Variants in GALNT13 observed in about 807,000 individuals in gnomAD.
GALNT13 encodes polypeptide N-acetylgalactosaminyltransferase 13.
A neutral mutation model predicts 64.2 loss-of-function variants in GALNT13; 28 were observed. The ratio of observed to expected loss-of-function variants is 0.44; its 90% CI spans 0.32 to 0.60. The LOEUF (loss-of-function observed/expected upper bound fraction) is 0.60, where lower values mean the gene tolerates loss of function less well. GALNT13 is among the 20% of genes least tolerant of loss of function. GALNT13 has a pLI of 0.05. For synonymous variants in GALNT13, 214 were observed against 224.6 expected, an observed-to-expected ratio of 0.95 and a Z score of 0.42; for missense variants, 577 against 669.8, an observed-to-expected ratio of 0.86 and a Z score of 1.53.
At chr2:153,464,304 G>A in the GALNT13 span, among the ~76,000 whole-genome samples, 1 of 152,026 alleles carries the variant, frequency 6.6e-6, no homozygotes, top group Admixed American at 6.6e-5. Context: ...GTGCCTCCAG[G>A]TGCCCAGGGG....
the GALNT13 span, among the ~76,000 whole-genome samples, chr2:153,835,494 A>G: frequency 1.3e-5 from 2 of 152,110 alleles, no homozygotes; most frequent in African/African-American, 4.8e-5. Flanking sequence ...CATTTAAAAA[A>G]TACAAATTTA....
chr2:153,729,532 T>G, the GALNT13 span, among the ~76,000 whole-genome samples: 29 of 152,236 alleles, frequency 1.9e-4, 1 homozygote, highest in Middle Eastern at 3.4e-3. Context: ...ACTTTTGTAT[T>G]TATATCTGTA....
chr2:153,354,173 T>C, the GALNT13 span: 2 of 152,192 alleles, frequency 1.3e-5, no homozygotes, highest in Non-Finnish European at 2.9e-5. Flanking sequence ...AATTTTTTAA[T>C]GCAACAGATA....
In GALNT13 at chr2:154,134,072, T is replaced by C. The variant is rs528764233; in HGVS notation, c.143-6265T>C. 3.3e-5 allele frequency among the ~76,000 whole-genome samples: 5 copies of C among 152,216 alleles called. No individual in the cohort carries two copies. The East Asian group carries it at 5.8e-4, about 18-fold the overall frequency. ...GAAGTTTTTATGAGCCTGGCTTGAA[T>C]TGGCACATATCATTTCTATTCTCGG... On this transcript the variant is annotated intron_variant, in intron 3 of 12. Transcript: ENST00000392825.
chr2:153,403,372 T>C, the GALNT13 span, among the ~76,000 whole-genome samples: 10 of 152,122 alleles, frequency 6.6e-5, no homozygotes, highest in Non-Finnish European at 1.3e-4. Context: ...AAGTTACTGC[T>C]GTCTTTTTGT....
the GALNT13 span, among the ~76,000 whole-genome samples, chr2:153,442,515 G>A: frequency 6.6e-6 from 1 of 152,152 alleles, no homozygotes; most frequent in Non-Finnish European, 1.5e-5. Flanking sequence ...AGTTTCAGAA[G>A]GAATGGTACC....
At chr2:153,802,540 G>T in the GALNT13 span, among the ~76,000 whole-genome samples, 1 of 152,140 alleles carries the variant, frequency 6.6e-6, no homozygotes. Flanking sequence ...TGCTCACTCT[G>T]CTGTGTTTAT....
chr2:154,069,020 A>G (rs578250133), intron 3 of GALNT13, among the ~76,000 whole-genome samples: 26 of 152,144 alleles, frequency 1.7e-4, no homozygotes, highest in African/African-American at 5.8e-4. Context: ...TGCCCCATAA[A>G]TATATACTCC....
At chr2:154,438,453 T>C (rs1701106790) in intron 11 of GALNT13, 139 bp from the exon 12 acceptor site, 4 of 564,094 alleles carry the variant, frequency 7.1e-6, no homozygotes, top group Non-Finnish European at 9.2e-6. Context: ...AAGAGATGAA[T>C]TAGCTTTCTC....
At position 153,917,852 on chromosome 2, in the gene GALNT13, CAG is replaced by C. The variant is rs201428315; in HGVS notation, c.-105+16857_-105+16858del. Among the ~76,000 whole-genome samples the C allele has an allele frequency of 4.2e-3, 623 of 149,530 alleles. 3 individuals are homozygous for C. The highest frequency in any genetic ancestry group is 0.014 in the African/African-American group (591 of 40,848). On this transcript the variant is annotated intron_variant, in intron 2 of 12. Transcript: ENST00000392825. ...AACTGATAGAGAGGGAGGATAGAAGCAGAGAGAGAGAGAAAAAAGAGGCAGAA... is the reference window on the plus strand; with the variant it reads ...AACTGATAGAGAGGGAGGATAGAAGCAGAGAGAGAGAAAAAAGAGGCAGAA...
chr2:154,337,573 T>G (rs1249839045), intron 9 of GALNT13, among the ~76,000 whole-genome samples: 1 of 152,104 alleles, frequency 6.6e-6, no homozygotes, highest in Non-Finnish European at 1.5e-5. Context: ...AACATTTTAG[T>G]GCTTAGCATT....
intron 3 of GALNT13, among the ~76,000 whole-genome samples, chr2:154,034,874 C>G (rs1030097244): frequency 6.6e-5 from 10 of 151,928 alleles, no homozygotes; most frequent in Non-Finnish European, 2.9e-5. Flanking sequence ...TCATCTTACA[C>G]CAGTCAAAAT....
At chr2:153,781,332 T>C in the GALNT13 span, among the ~76,000 whole-genome samples, 1 of 152,324 alleles carries the variant, frequency 6.6e-6, no homozygotes, top group East Asian at 1.9e-4. Flanking sequence ...GAAGTGACTT[T>C]CTATTGCCTC....
chr2:153,575,855 G>A, the GALNT13 span, among the ~76,000 whole-genome samples: 1 of 152,248 alleles, frequency 6.6e-6, no homozygotes, highest in Middle Eastern at 3.4e-3. Flanking sequence ...CTGTGTCCAT[G>A]CAGGTACTTG....
At chr2:154,206,656 G>A (rs1203313786) in intron 4 of GALNT13, among the ~76,000 whole-genome samples, 1 of 151,946 alleles carries the variant, frequency 6.6e-6, no homozygotes, top group Non-Finnish European at 1.5e-5. Context: ...CATTAGCCGG[G>A]TGTGGTGGTG....
the GALNT13 span, among the ~76,000 whole-genome samples, chr2:153,521,652 AGAGT>A: frequency 5.3e-5 from 8 of 152,198 alleles, no homozygotes; most frequent in Admixed American, 5.2e-4. Context: ...AGTATCATAC[AGAGT>A]ATTTTCATGG....
chr2:154,276,809 G>A (rs1369807957), intron 8 of GALNT13, among the ~76,000 whole-genome samples: 1 of 152,180 alleles, frequency 6.6e-6, no homozygotes, highest in Non-Finnish European at 1.5e-5. Flanking sequence ...TCATGATGGT[G>A]AGTGATTCTC....
chr2:153,478,154 CCA>C, the GALNT13 span: 1 of 1,129,682 alleles, frequency 8.9e-7, no homozygotes, highest in Admixed American at 2.5e-5. Context: ...TTTGCTTCGC[CCA>C]GTCTCTGATA....
At chr2:153,873,231 C>T (rs760644979) in intron 1 of GALNT13, among the ~76,000 whole-genome samples, 1 of 152,178 alleles carries the variant, frequency 6.6e-6, no homozygotes, top group Non-Finnish European at 1.5e-5. Context: ...AGGAGACAGC[C>T]TGCCCTTGTC....
Sources: gnomAD v4.1 joint callset for allele counts (sites outside exome capture counted in the v4.1 genomes callset) on GRCh38, gnomAD v4.1.1 for gene constraint, MANE v1.5 for transcripts, NCBI Gene and HGNC (gene_info 2026-07-23, HGNC 2026-07-21) for gene names.